The following SNX29 variants were observed in gnomAD, a reference collection of about 807,000 sequenced individuals.
SNX29 encodes the protein sorting nexin 29, also known as sorting nexin-29.
SNX29 carries 78 observed loss-of-function variants against 102.1 expected under a neutral mutation model. That is an observed-to-expected ratio of 0.76 (90% CI 0.64 to 0.92). SNX29 has a LOEUF of 0.92. Among genes scored for constraint, SNX29 ranks in the 40% least tolerant of loss-of-function variants. The probability of loss-of-function intolerance (pLI) is 0.00; values close to 1 mark genes in which losing one functional copy is unlikely to be tolerated. For missense variants in SNX29, 1,280 were observed against 1,061.7 expected (o/e 1.21, Z -2.86); for synonymous variants, 580 against 414.5 (o/e 1.40, Z -4.85).
chr16:12,354,840 C>A (rs144476302), intron 15 of SNX29, among the ~76,000 whole-genome samples: 1 of 152,282 alleles, frequency 6.6e-6, no homozygotes, highest in East Asian at 1.9e-4. Context: ...TACATCTGTA[C>A]AAAGAAAAAA....
chr16:12,434,539 C>G (rs1224321606), intron 18 of SNX29, among the ~76,000 whole-genome samples: 1 of 152,144 alleles, frequency 6.6e-6, no homozygotes, highest in African/African-American at 2.4e-5. Flanking sequence ...TAATATGTAT[C>G]TAAACCACTG....
intron 14 of SNX29, among the ~76,000 whole-genome samples, chr16:12,212,112 T>C (rs2077201253): frequency 6.6e-6 from 1 of 152,028 alleles, no homozygotes; most frequent in Non-Finnish European, 1.5e-5. Context: ...TCGGTGGTGG[T>C]GTGTGACGAG....
chr16:12,304,987 A>C (rs1255772594), intron 15 of SNX29, among the ~76,000 whole-genome samples: 1 of 152,254 alleles, frequency 6.6e-6, no homozygotes, highest in African/African-American at 2.4e-5. Flanking sequence ...TAATGCTAAA[A>C]TGCAACTGAA....
intron 14 of SNX29, among the ~76,000 whole-genome samples, chr16:12,202,118 T>C (rs921294329): frequency 1.3e-5 from 2 of 152,172 alleles, no homozygotes; most frequent in African/African-American, 2.4e-5. Flanking sequence ...CAGCAGTCTC[T>C]TACTTCTGCA....
intron 14 of SNX29, among the ~76,000 whole-genome samples, chr16:12,240,220 T>C (rs1356626061): frequency 2.0e-5 from 3 of 152,242 alleles, no homozygotes; most frequent in African/African-American, 7.2e-5. Context: ...ATTATTTCTC[T>C]AGGGTCAGCT....
chr16:12,190,213 G>A (rs1450056551), intron 13 of SNX29, among the ~76,000 whole-genome samples: 1 of 152,168 alleles, frequency 6.6e-6, no homozygotes, highest in African/African-American at 2.4e-5. Context: ...CTGGAGGGTA[G>A]AGGCTTTGGA....
At chr16:12,423,278 A>G (rs1272168824) in intron 18 of SNX29, among the ~76,000 whole-genome samples, 3 of 152,100 alleles carry the variant, frequency 2.0e-5, no homozygotes, top group Admixed American at 6.5e-5. Flanking sequence ...ACATAAACGT[A>G]GATCATAAGA....
At chr16:12,537,395 C>T (rs1013570095) in intron 20 of SNX29, among the ~76,000 whole-genome samples, 2 of 152,196 alleles carry the variant, frequency 1.3e-5, no homozygotes, top group Non-Finnish European at 1.5e-5. Flanking sequence ...GACTTTGAGC[C>T]AAACAGACCT....
chr16:12,063,492 A>G (rs1463980074), intron 9 of SNX29, among the ~76,000 whole-genome samples: 3 of 147,798 alleles, frequency 2.0e-5, no homozygotes, highest in African/African-American at 7.5e-5. Flanking sequence ...CTCCTGCCTC[A>G]GCTTCCAGAT....
intron 20 of SNX29, among the ~76,000 whole-genome samples, chr16:12,560,152 AG>A (rs1376176010): frequency 4.3e-5 from 1 of 23,334 alleles, no homozygotes; most frequent in African/African-American, 1.2e-4. Flanking sequence ...CCCAACAAAC[AG>A]TAAAGCCTTT....
intron 1 of SNX29, among the ~76,000 whole-genome samples, chr16:11,993,709 G>A (rs2055946693): frequency 6.6e-6 from 1 of 152,122 alleles, no homozygotes; most frequent in Admixed American, 6.6e-5. Flanking sequence ...TTTCTCTCCA[G>A]GAGGTCACTG....
chr16:12,238,296 A>G (rs1447525609), intron 14 of SNX29, among the ~76,000 whole-genome samples: 1 of 139,296 alleles, frequency 7.2e-6, no homozygotes, highest in South Asian at 2.2e-4. Flanking sequence ...AGCCTTTTGG[A>G]TGGGCACTTT....
intron 11 of SNX29, among the ~76,000 whole-genome samples, chr16:12,122,653 G>A (rs994171700): frequency 3.3e-5 from 5 of 152,036 alleles, no homozygotes; most frequent in African/African-American, 7.2e-5. Flanking sequence ...AGGCTGGAGC[G>A]GCAGAGAGGA....
chr16:11,983,820 C>T, intron 1 of SNX29: 1 of 483,480 alleles, frequency 2.1e-6, no homozygotes, highest in South Asian at 8.8e-5. Flanking sequence ...CCAGATAAAG[C>T]ACCTTCCATC....
intron 10 of SNX29, among the ~76,000 whole-genome samples, chr16:12,071,552 A>G (rs897325851): frequency 6.6e-6 from 1 of 152,184 alleles, no homozygotes; most frequent in Non-Finnish European, 1.5e-5. Context: ...TACCAGTACC[A>G]TGCTGTTTTG....
intron 18 of SNX29, among the ~76,000 whole-genome samples, chr16:12,447,778 C>T (rs2086128644): frequency 6.6e-6 from 1 of 152,198 alleles, no homozygotes; most frequent in Non-Finnish European, 1.5e-5. Flanking sequence ...GGCGAGAGTG[C>T]TTCATGTGTC....
chr16:12,391,090 A>T (rs2083513159), intron 16 of SNX29, among the ~76,000 whole-genome samples: 1 of 151,906 alleles, frequency 6.6e-6, no homozygotes. Flanking sequence ...GGACTATAGG[A>T]GCATGCCACC....
intron 4 of SNX29, among the ~76,000 whole-genome samples, chr16:12,035,423 C>T (rs2057448126): frequency 6.6e-6 from 1 of 152,034 alleles, no homozygotes; most frequent in African/African-American, 2.4e-5. Flanking sequence ...GCTGTAAACT[C>T]TTGTAGGATG....
chr16:12,395,543 G>A (rs546306590), intron 16 of SNX29, among the ~76,000 whole-genome samples: 1 of 152,204 alleles, frequency 6.6e-6, no homozygotes, highest in Non-Finnish European at 1.5e-5. Context: ...AGACTGCCGC[G>A]TGAGTGCCCA....
Sources: gnomAD v4.1 joint callset for allele counts (sites outside exome capture counted in the v4.1 genomes callset) on GRCh38, gnomAD v4.1.1 for gene constraint, MANE v1.5 for transcripts, NCBI Gene and HGNC (gene_info 2026-07-23, HGNC 2026-07-21) for gene names.